The following MRPS23 variants were observed in gnomAD, a reference collection of about 807,000 sequenced individuals.
The protein encoded by MRPS23 is mitochondrial ribosomal protein S23.
In MRPS23, 14 loss-of-function variants were observed where a neutral mutation model predicts 19.8. The ratio of observed to expected loss-of-function variants is 0.71; its 90% CI spans 0.47 to 1.11. The LOEUF is 1.11. MRPS23 is among the 50% of genes least tolerant of loss of function. The pLI is 0.00. For missense variants in MRPS23, 242 were observed against 236.7 expected (o/e 1.02, Z -0.15); for synonymous variants, 113 against 89.7 (o/e 1.26, Z -1.47).
chr17:57,842,891 T>TACACACAC lies in MRPS23; in HGVS notation c.216-1639_216-1632dup, dbSNP rs35501487. Among the ~76,000 whole-genome samples, 111 of 76,586 alleles carry TACACACAC rather than the reference T, an allele frequency of 1.4e-3. 1 individual carries two copies. The highest frequency in any genetic ancestry group is 3.9e-3 in the East Asian group (11 of 2,800). 50.2% of individuals were successfully genotyped at this position (76,586 alleles called of 152,430 possible). On this transcript the variant is annotated intron_variant, in intron 2 of 4. Transcript: ENST00000313608. The stretch of plus-strand genomic sequence containing the variant: ...AAAAAAAAAAAAAAATATATATATA[T>TACACACAC]ACACACACACACACACACACACACA...
intron 2 of MRPS23, among the ~76,000 whole-genome samples, chr17:57,842,287 T>C (rs9894071): frequency 0.016 from 2,443 of 152,320 alleles, 74 homozygotes; most frequent in African/African-American, 0.057. Context: ...ATGCTGGGCT[T>C]ACAGGCATGA....
chr17:57,843,200 CAGG>C (rs1208597652), intron 2 of MRPS23, among the ~76,000 whole-genome samples: 3 of 151,180 alleles, frequency 2.0e-5, no homozygotes, highest in Non-Finnish European at 4.4e-5. Flanking sequence ...CACTTGAGTC[CAGG>C]AGGTCAAGGC....
chr17:57,838,894 C>T lies in MRPS23; in HGVS notation c.*889G>A, dbSNP rs2073723385. ...GCTTACTACTAACAGCTAAAAACCACTGGCTTGACCACATATACAAAGGCT... is the reference window on the plus strand; with the variant it reads ...GCTTACTACTAACAGCTAAAAACCATTGGCTTGACCACATATACAAAGGCT... On this transcript the variant is annotated 3_prime_UTR_variant, in exon 5 of 5. Coordinates refer to ENST00000313608, the MANE Select transcript of MRPS23 (RefSeq NM_016070.4). The T allele has an allele frequency of 6.6e-6, 1 of 152,242 alleles. No homozygotes were observed. Among genetic ancestry groups the T allele is most frequent in the Non-Finnish European group, 1.5e-5 (1 of 68,048 alleles). The allele number at this position is 152,242 out of a possible 1,614,324, so 9.4% of individuals were successfully genotyped here. A position where few individuals can be genotyped will look rare whatever the true frequency, so the allele number is the denominator to read the frequency against.
chr17:57,836,779 C>A lies in MRPS23; in HGVS notation c.*3004G>T, dbSNP rs2073708668. 6.6e-6 allele frequency: 1 copy of A among 151,844 alleles called. No individual in the cohort carries two copies. Among genetic ancestry groups the A allele is most frequent in the Non-Finnish European group, 1.5e-5 (1 of 68,032 alleles). 9.4% of individuals were successfully genotyped at this position (151,844 alleles called of 1,614,324 possible). A position where few individuals can be genotyped will look rare whatever the true frequency, so the allele number is the denominator to read the frequency against. ...GCAGCCTCTGCCTCCTGGGTTCCAG[C>A]GATTCTCCTGCCTCAGCCTCCCGGG... On this transcript the variant is annotated 3_prime_UTR_variant, in exon 5 of 5. Transcript: ENST00000313608.
In MRPS23 at chr17:57,836,473, G is replaced by A. The variant is rs1446773808; in HGVS notation, c.*3310C>T. ...AATTCCTACAGACCATGGTAGAAGGGAGGGTGTTCCTGCCCAAAGAAACCG... is the reference window on the plus strand; with the variant it reads ...AATTCCTACAGACCATGGTAGAAGGAAGGGTGTTCCTGCCCAAAGAAACCG... On this transcript the variant is annotated 3_prime_UTR_variant, in exon 5 of 5. Coordinates refer to ENST00000313608, the MANE Select transcript of MRPS23 (RefSeq NM_016070.4). The A allele has an allele frequency of 6.6e-6, 1 of 152,142 alleles. No individual in the cohort carries two copies. Among genetic ancestry groups the A allele is most frequent in the Non-Finnish European group, 1.5e-5 (1 of 68,028 alleles). 9.4% of individuals were successfully genotyped at this position (152,142 alleles called of 1,614,324 possible). A position where few individuals can be genotyped will look rare whatever the true frequency, so the allele number is the denominator to read the frequency against.
chr17:57,837,236 T>A lies in MRPS23; in HGVS notation c.*2547A>T, dbSNP rs1024722713. The A allele has an allele frequency of 6.6e-6, 1 of 152,230 alleles. No individual in the cohort carries two copies. Among genetic ancestry groups the A allele is most frequent in the East Asian group, 1.9e-4 (1 of 5,198 alleles). The allele number at this position is 152,230 out of a possible 1,614,324, so 9.4% of individuals were successfully genotyped here. On this transcript the variant is annotated 3_prime_UTR_variant, in exon 5 of 5. Transcript: ENST00000313608. ...TTCTGGTCCAGAGTCCCAGTCTGGT[T>A]TAACAAGATCAGAATGTGTAGGGGA...
intron 2 of MRPS23, among the ~76,000 whole-genome samples, chr17:57,845,215 C>A (rs944609590): frequency 5.3e-5 from 8 of 152,142 alleles, no homozygotes; most frequent in African/African-American, 1.7e-4. Flanking sequence ...TATCAATGAA[C>A]CACAAAGTGC....
At chr17:57,849,551 A>G (rs2144881357) in intron 1 of MRPS23, 141 bp from the exon 2 acceptor site, 2 of 1,014,342 alleles carry the variant, frequency 2.0e-6, no homozygotes, top group Non-Finnish European at 2.8e-6. Flanking sequence ...CCACCTACAG[A>G]GAAGATCTGT....
chr17:57,841,652 A>C (rs2073741168), intron 2 of MRPS23, among the ~76,000 whole-genome samples: 1 of 152,202 alleles, frequency 6.6e-6, no homozygotes, highest in Admixed American at 6.5e-5. Flanking sequence ...CTTGCTCTAC[A>C]TCTTGCCTTT....
intron 2 of MRPS23, among the ~76,000 whole-genome samples, chr17:57,844,981 T>C (rs1238218499): frequency 3.9e-5 from 6 of 152,004 alleles, no homozygotes; most frequent in Non-Finnish European, 1.5e-5. Flanking sequence ...CACTGCAACC[T>C]CTGCCTCCTG....
rs1013181629 is a variant in MRPS23 at position 57,834,918 on chromosome 17, T to G, written c.*4865A>C. On this transcript the variant is annotated 3_prime_UTR_variant, in exon 5 of 5. Coordinates refer to ENST00000313608, the MANE Select transcript of MRPS23 (RefSeq NM_016070.4). Reference sequence around the variant, plus strand: ...CTCGATACAAAGTGTTCTACAAAACTACAAGAAGAATCAGGCTAGCCTTTT... The same window carrying G: ...CTCGATACAAAGTGTTCTACAAAACGACAAGAAGAATCAGGCTAGCCTTTT... The G allele has an allele frequency of 2.6e-5, 4 of 152,094 alleles. No homozygotes were observed. Among genetic ancestry groups the G allele is most frequent in the African/African-American group, 9.7e-5 (4 of 41,396 alleles). 9.4% of individuals were successfully genotyped at this position (152,094 alleles called of 1,614,324 possible).
At chr17:57,846,113 T>TG (rs1368783869) in intron 2 of MRPS23, among the ~76,000 whole-genome samples, 1 of 145,418 alleles carries the variant, frequency 6.9e-6, no homozygotes, top group African/African-American at 2.5e-5. Context: ...AAAAATAAGG[T>TG]GGGGGGCAGC....
chr17:57,845,794 T>C (rs1306947065), intron 2 of MRPS23, among the ~76,000 whole-genome samples: 1 of 152,226 alleles, frequency 6.6e-6, no homozygotes, highest in Non-Finnish European at 1.5e-5. Context: ...AGCCTCATAG[T>C]TCATCTGTCC....
rs1176641835 is a variant in MRPS23, at chr17:57,838,258, C to G, written c.*1525G>C. On this transcript the variant is annotated 3_prime_UTR_variant, in exon 5 of 5. Transcript: ENST00000313608. ...TGGGCCAAGATGGCTCCACTGTACT[C>G]CAGCCTGGGAAACAAAGTGATACTC... 2.7e-5 allele frequency: 3 copies of G among 110,316 alleles called. No individual in the cohort carries two copies. Among genetic ancestry groups the G allele is most frequent in the Non-Finnish European group, 5.0e-5 (3 of 59,622 alleles). The allele number at this position is 110,316 out of a possible 1,614,324, so 6.8% of individuals were successfully genotyped here.
rs2073795942 is a variant in MRPS23, at chr17:57,849,227, GC to G, written c.215+12del. On this transcript the variant is annotated intron_variant, in intron 2 of 4. Transcript: ENST00000313608. ...TCTGTTGCCTCCTGTCCACTACAGG[GC>G]TGAGCACTCACGCTCTAATCCGATC... The G allele has an allele frequency of 6.2e-7, 1 of 1,613,738 alleles. No homozygotes were observed. The highest frequency in any genetic ancestry group is 1.7e-5 in the Admixed American group (1 of 59,950).
chr17:57,845,771 G>A (rs767985040), intron 2 of MRPS23, among the ~76,000 whole-genome samples: 1 of 152,068 alleles, frequency 6.6e-6, no homozygotes, highest in Non-Finnish European at 1.5e-5. Context: ...ATTTTCTTTC[G>A]TTTCTCTCTA....
At chr17:57,845,915 G>A (rs1304703575) in intron 2 of MRPS23, among the ~76,000 whole-genome samples, 2 of 152,200 alleles carry the variant, frequency 1.3e-5, no homozygotes, top group African/African-American at 4.8e-5. Context: ...CCTGGCCCAT[G>A]ACAGTGCTTA....
chr17:57,847,609 C>G (rs2073784641), intron 2 of MRPS23, among the ~76,000 whole-genome samples: 1 of 149,776 alleles, frequency 6.7e-6, no homozygotes, highest in African/African-American at 2.5e-5. Flanking sequence ...TTGCAGTGAG[C>G]CGAGATTGCG....
chr17:57,849,995 G>C lies in MRPS23; in HGVS notation c.16C>G (p.Leu6Val). ...GAGAAGATGCTCCCTACGGTTTCCA[G>C]CCGGCTGCCTGCCATGATCTGCGCC... The part of the protein sequence containing the change: MAGSR[L>V]ETVGSIFSRT... The change falls in exon 1 of 5, where the codon CTG becomes GTG. Residue 6 changes from leucine to valine, a missense_variant. Leu to Val is a conservative substitution (Grantham distance 32). Coordinates refer to ENST00000313608, the MANE Select transcript of MRPS23 (RefSeq NM_016070.4). 6.3e-7 allele frequency: 1 copy of C among 1,591,332 alleles called. No individual in the cohort carries two copies.
Sources: allele counts gnomAD v4.1 joint callset (sites outside exome capture counted in the v4.1 genomes callset), GRCh38; gene constraint gnomAD v4.1.1; transcripts MANE v1.5; gene names NCBI Gene and HGNC (gene_info 2026-07-23, HGNC 2026-07-21).